The following PLRG1 variants were observed in gnomAD, a reference collection of about 807,000 sequenced individuals.
PLRG1 encodes the protein pleiotropic regulator 1.
PLRG1 carries 28 observed loss-of-function variants against 74.9 expected under a neutral mutation model. That is an observed-to-expected ratio of 0.37 (90% CI 0.28 to 0.51). The LOEUF (loss-of-function observed/expected upper bound fraction) is 0.51, where lower values mean the gene tolerates loss of function less well. Among genes scored for constraint, PLRG1 ranks in the 20% least tolerant of loss-of-function variants. PLRG1 has a pLI of 0.91. For synonymous variants in PLRG1, 197 were observed against 212.4 expected, an observed-to-expected ratio of 0.93 and a Z score of 0.63; for missense variants, 445 against 631.9, an observed-to-expected ratio of 0.70 and a Z score of 3.17.
In PLRG1 at chr4:154,536,615, T is replaced by G; in HGVS notation, c.*70A>C. On this transcript the variant is annotated 3_prime_UTR_variant, in exon 15 of 15. Transcript: ENST00000499023. ...CAGAGCACAAAATGACTGGATATCC[T>G]CATGAACGCCAAGCTTTTTTTTTTT... The G allele has an allele frequency of 1.3e-6, 1 of 799,536 alleles. No individual in the cohort carries two copies. The highest frequency in any genetic ancestry group is 1.6e-5 in the South Asian group (1 of 64,090). 49.5% of individuals were successfully genotyped at this position (799,536 alleles called of 1,614,324 possible).
At chr4:154,550,004 T>A (rs1448612428) in intron 1 of PLRG1, among the ~76,000 whole-genome samples, 1 of 152,128 alleles carries the variant, frequency 6.6e-6, no homozygotes, top group Non-Finnish European at 1.5e-5. Context: ...GTACCAGTGG[T>A]CGATCACCAA....
intron 7 of PLRG1, among the ~76,000 whole-genome samples, chr4:154,543,478 T>A (rs1019024421): frequency 1.3e-5 from 2 of 152,116 alleles, no homozygotes; most frequent in African/African-American, 4.8e-5. Flanking sequence ...TCAAATTTGA[T>A]ATGTAGCCCA....
At chr4:154,541,847 ATT>A (rs1398497410) in intron 8 of PLRG1, 2 of 204,956 alleles carry the variant, frequency 9.8e-6, no homozygotes, top group Non-Finnish European at 2.0e-5. Context: ...CAATGGTAGG[ATT>A]ATATACAGGT....
Position 154,545,990 on chromosome 4 carries a change from C to T in PLRG1, c.405-67G>A, listed in dbSNP as rs1291386517. On this transcript the variant is annotated intron_variant, in intron 5 of 14. Transcript: ENST00000499023. Reference sequence around the variant, plus strand: ...CCAGTCATGTATTCTGCAAAACTAACCCTTTATTTTAAATTGTTATAAAGT... The same window carrying T: ...CCAGTCATGTATTCTGCAAAACTAATCCTTTATTTTAAATTGTTATAAAGT... 4 of 1,151,210 alleles carry T rather than the reference C, an allele frequency of 3.5e-6. No homozygotes were observed. In the East Asian group the frequency reaches 7.6e-5, roughly 22 times the overall value. The allele number at this position is 1,151,210 out of a possible 1,614,324, so 71.3% of individuals were successfully genotyped here.
At chr4:154,541,069 C>CA in intron 8 of PLRG1, 135 bp from the exon 9 acceptor site, 1 of 556,296 alleles carries the variant, frequency 1.8e-6, no homozygotes, top group Non-Finnish European at 2.9e-6. Flanking sequence ...AAAAATTTTG[C>CA]AAAATGACTC....
At chr4:154,541,739 A>AT (rs982503506) in intron 8 of PLRG1, among the ~76,000 whole-genome samples, 9 of 152,188 alleles carry the variant, frequency 5.9e-5, no homozygotes, top group Non-Finnish European at 1.2e-4. Context: ...ACTAAGAATG[A>AT]TTTTTTAAAA....
chr4:154,547,676 T>A, intron 3 of PLRG1, 35 bp downstream of exon 3: 2 of 1,586,132 alleles, frequency 1.3e-6, no homozygotes, highest in Non-Finnish European at 1.7e-6. Context: ...AAAATTCACA[T>A]ATAAGTCTGA....
At chr4:154,548,985 A>G (rs368044991) in intron 1 of PLRG1, 50 bp from the exon 2 acceptor site, 18 of 1,066,200 alleles carry the variant, frequency 1.7e-5, no homozygotes, top group Non-Finnish European at 2.5e-5. Context: ...TACACAAATC[A>G]TAACCTAAAG....
At chr4:154,542,601 CAT>C (rs989708386) in intron 7 of PLRG1, among the ~76,000 whole-genome samples, 2 of 152,050 alleles carry the variant, frequency 1.3e-5, no homozygotes, top group African/African-American at 4.8e-5. Context: ...ATTTATATGA[CAT>C]AGTCAAAAAG....
At chr4:154,546,238 T>C in intron 4 of PLRG1, 25 bp from the exon 5 acceptor site, 1 of 1,195,820 alleles carries the variant, frequency 8.4e-7, no homozygotes, top group Non-Finnish European at 1.2e-6. Context: ...AATCAACTTC[T>C]TTTAGTAGCT....
chr4:154,550,167 C>A (rs556033715), intron 1 of PLRG1, 133 bp downstream of exon 1: 2 of 849,344 alleles, frequency 2.4e-6, no homozygotes, highest in African/African-American at 1.7e-5. Context: ...AGAGACCACT[C>A]GGCCTTGGCC....
At chr4:154,539,283 CA>C in intron 11 of PLRG1, 70 bp from the exon 12 acceptor site, 2 of 927,616 alleles carry the variant, frequency 2.2e-6, no homozygotes, top group Non-Finnish European at 3.5e-6. Flanking sequence ...AAATAAAATA[CA>C]AAGCATTCTT....
Position 154,539,128 on chromosome 4 carries a change from C to T in PLRG1, c.1128G>A (p.Arg376=). The T allele has an allele frequency of 1.2e-6, 2 of 1,603,470 alleles. No individual in the cohort carries two copies. Among genetic ancestry groups the T allele is most frequent in the South Asian group, 1.1e-5 (1 of 90,834 alleles). ...ACTGTCTTGGATGTAAAACCACAGC[C>T]CTAACTGATTTTTTGTGATTTGTTA... ...VTLTNHKKSV[R]AVVLHPRHYT... The change falls in exon 12 of 15, where the codon AGG becomes AGA. Residue 376 remains arginine, a synonymous_variant. Coordinates refer to ENST00000499023, the MANE Select transcript of PLRG1 (RefSeq NM_002669.4).
Position 154,550,189 on chromosome 4 carries a change from C to T in PLRG1, c.9+111G>A, listed in dbSNP as rs183287880. 5.9e-5 allele frequency: 61 copies of T among 1,037,090 alleles called. No individual in the cohort carries two copies. In the African/African-American group the frequency reaches 8.5e-4, roughly 14 times the overall value. The allele number at this position is 1,037,090 out of a possible 1,614,324, so 64.2% of individuals were successfully genotyped here. Reference sequence around the variant, plus strand: ...ACTCGGCCTTGGCCAAATAGCTCCCCTCGTAGCCTCTTTTCTCTCTGGACT... The same window carrying T: ...ACTCGGCCTTGGCCAAATAGCTCCCTTCGTAGCCTCTTTTCTCTCTGGACT... On this transcript the variant is annotated intron_variant, in intron 1 of 14. Transcript: ENST00000499023.
At chr4:154,549,052 C>G (rs945394569) in intron 1 of PLRG1, 117 bp from the exon 2 acceptor site, 2 of 682,818 alleles carry the variant, frequency 2.9e-6, no homozygotes, top group African/African-American at 3.5e-5. Flanking sequence ...ATACCACTCA[C>G]CATAGCTACT....
rs1729474247 is a variant in PLRG1 at position 154,537,578 on chromosome 4, G to C, written c.1292-99C>G. ...TTAGCCCAAGCATGGGAATACTACG[G>C]TTATAAAAATACATAAGACACAGGC... On this transcript the variant is annotated intron_variant, in intron 13 of 14. Coordinates refer to ENST00000499023, the MANE Select transcript of PLRG1 (RefSeq NM_002669.4). 4.0e-6 allele frequency: 3 copies of C among 753,226 alleles called. No homozygotes were observed. In the South Asian group the frequency reaches 5.7e-5, roughly 14 times the overall value. The allele number at this position is 753,226 out of a possible 1,614,324, so 46.7% of individuals were successfully genotyped here. A position where few individuals can be genotyped will look rare whatever the true frequency, so the allele number is the denominator to read the frequency against.
chr4:154,537,371 G>A lies in PLRG1; in HGVS notation c.1400C>T (p.Ala467Val), dbSNP rs768655148. The change falls in exon 14 of 15, where the codon GCT (alanine) becomes GTT (valine). Residue 467 changes from alanine to valine, a missense_variant. This residue lies in a region of PLRG1 where 221 missense variants were observed against 377.7 expected (regional missense o/e 0.59). Coordinates refer to ENST00000499023, the MANE Select transcript of PLRG1 (RefSeq NM_002669.4). ...ACTTTCAGACTGATCAAAAGCACAA[G>A]CAAATATTCCTGATTCACTGTCCAA... Reference protein sequence around the residue: ...GSLDSESGIFACAFDQSESRL... With the variant: ...GSLDSESGIFVCAFDQSESRL... 2 of 1,613,192 alleles carry A rather than the reference G, an allele frequency of 1.2e-6. No individual in the cohort carries two copies. The highest frequency in any genetic ancestry group is 1.7e-6 in the Non-Finnish European group (2 of 1,179,358).
At position 154,542,177 on chromosome 4, in the gene PLRG1, T is replaced by C; in HGVS notation, c.687+10A>G. On this transcript the variant is annotated intron_variant, in intron 8 of 14. Transcript: ENST00000499023. ...AAAGTCATGTTTATTTTTTCTTCCT[T>C]CATTATTACCTTTATAGTTCTGTCA... 1 of 1,496,396 alleles carries C rather than the reference T, an allele frequency of 6.7e-7. No homozygotes were observed. Among genetic ancestry groups the C allele is most frequent in the Non-Finnish European group, 9.3e-7 (1 of 1,072,696 alleles). 92.7% of individuals were successfully genotyped at this position (1,496,396 alleles called of 1,614,324 possible). A position where few individuals can be genotyped will look rare whatever the true frequency, so the allele number is the denominator to read the frequency against.
Position 154,547,019 on chromosome 4 carries a change from G to C in PLRG1, c.305C>G (p.Pro102Arg), listed in dbSNP as rs762120432. 3.1e-6 allele frequency: 5 copies of C among 1,609,262 alleles called. No homozygotes were observed. Among genetic ancestry groups the C allele is most frequent in the South Asian group, 1.1e-5 (1 of 90,962 alleles). ...TATAACAGCTCACTAACCAGGTCCTGGTGGGTATGGATGTGTACCTGCCAC... is the reference window on the plus strand; with the variant it reads ...TATAACAGCTCACTAACCAGGTCCTCGTGGGTATGGATGTGTACCTGCCAC... ...YFVAGTHPYP[P>R]GPGVALTADT... Residue 102 changes from proline to arginine, a missense_variant, in exon 4 of 15, where the codon CCA (proline) becomes CGA (arginine). Transcript: ENST00000499023.
Sources: gnomAD v4.1 joint callset for allele counts (sites outside exome capture counted in the v4.1 genomes callset) on GRCh38, gnomAD v4.1.1 for gene constraint, gnomAD v4.1.1 regional missense constraint, MANE v1.5 for transcripts, NCBI Gene and HGNC (gene_info 2026-07-23, HGNC 2026-07-21) for gene names.